Variants in B3GLCT observed in about 807,000 individuals in gnomAD.
The protein encoded by B3GLCT is beta 3-glucosyltransferase, also known as beta-1,3-glucosyltransferase.
In B3GLCT, 65 loss-of-function variants were observed where a neutral mutation model predicts 63.4. The observed-to-expected ratio is 1.03, with a 90% CI of 0.84 to 1.26. The LOEUF is 1.26. Among genes scored for constraint, B3GLCT ranks in the 50% most tolerant of loss-of-function variants. The probability of loss-of-function intolerance (pLI) is 0.00; values close to 1 mark genes in which losing one functional copy is unlikely to be tolerated. For synonymous variants in B3GLCT, 233 were observed against 219.2 expected (o/e 1.06, Z -0.55); for missense variants, 577 against 604.8 (o/e 0.95, Z 0.48).
chr13:31,209,737 A>G (rs963252318), intron 1 of B3GLCT, among the ~76,000 whole-genome samples: 3 of 151,720 alleles, frequency 2.0e-5, no homozygotes, highest in Non-Finnish European at 4.4e-5. Flanking sequence ...GCTTTTTTAT[A>G]TATTCTGAGC....
intron 8 of B3GLCT, among the ~76,000 whole-genome samples, chr13:31,272,755 A>T (rs1205793399): frequency 6.6e-6 from 1 of 152,122 alleles, no homozygotes; most frequent in African/African-American, 2.4e-5. Context: ...TTGTTGTTCA[A>T]TATTTTTGTC....
chr13:31,255,049 A>AG (rs1196096050), intron 6 of B3GLCT, among the ~76,000 whole-genome samples: 4 of 151,662 alleles, frequency 2.6e-5, no homozygotes, highest in African/African-American at 7.3e-5. Flanking sequence ...AAAAAAAAAA[A>AG]AAAAAGAAAA....
chr13:31,266,946 T>G (rs1466301706), intron 7 of B3GLCT, among the ~76,000 whole-genome samples: 1 of 152,088 alleles, frequency 6.6e-6, no homozygotes, highest in Admixed American at 6.5e-5. Flanking sequence ...AATTTTTGTA[T>G]TTTTAGTAGA....
intron 12 of B3GLCT, among the ~76,000 whole-genome samples, chr13:31,313,831 G>A (rs766333816): frequency 5.3e-5 from 8 of 152,086 alleles, no homozygotes; most frequent in African/African-American, 1.2e-4. Flanking sequence ...CCCTACCTCC[G>A]CATCACAGGC....
At chr13:31,219,449 G>A (rs1869714860) in intron 2 of B3GLCT, among the ~76,000 whole-genome samples, 2 of 151,926 alleles carry the variant, frequency 1.3e-5, no homozygotes, top group African/African-American at 4.8e-5. Flanking sequence ...CAATAATGAG[G>A]ATCATTTGTG....
chr13:31,222,603 T>TCC (rs1869871138), intron 2 of B3GLCT, among the ~76,000 whole-genome samples: 1 of 152,218 alleles, frequency 6.6e-6, no homozygotes, highest in South Asian at 2.1e-4. Context: ...GCTTTATGGT[T>TCC]TACAGGGCTT....
At chr13:31,247,774 C>T in intron 5 of B3GLCT, 81 bp from the exon 6 acceptor site, 1 of 730,790 alleles carries the variant, frequency 1.4e-6, no homozygotes, top group Middle Eastern at 3.8e-4. Flanking sequence ...ACCCTTCATT[C>T]ACTTCCTACT....
At position 31,218,231 on chromosome 13, in the gene B3GLCT, C is replaced by T. The variant is rs1432600266; in HGVS notation, c.120+3131C>T. ...TGAGATGGAGTCTCACTCTTATCAC[C>T]CAGGCTAGCATGCAGTGGCGTGATC... On this transcript the variant is annotated intron_variant, in intron 2 of 14. Coordinates refer to ENST00000343307, the MANE Select transcript of B3GLCT (RefSeq NM_194318.4). Among the ~76,000 whole-genome samples, 3 of 149,588 alleles carry T rather than the reference C, an allele frequency of 2.0e-5. No individual in the cohort carries two copies. In the East Asian group the frequency reaches 5.8e-4, roughly 29 times the overall value.
intron 13 of B3GLCT, among the ~76,000 whole-genome samples, chr13:31,322,546 TA>T (rs1189953034): frequency 6.6e-6 from 1 of 152,220 alleles, no homozygotes; most frequent in South Asian, 2.1e-4. Context: ...GGAGCAACCT[TA>T]TTTGGAAAGA....
chr13:31,277,703 AAAT>A (rs2137864112), intron 10 of B3GLCT, among the ~76,000 whole-genome samples: 1 of 152,220 alleles, frequency 6.6e-6, no homozygotes, highest in East Asian at 1.9e-4. Flanking sequence ...TTTCCAAATA[AAAT>A]AATATTATAA....
intron 1 of B3GLCT, among the ~76,000 whole-genome samples, chr13:31,203,292 G>A (rs574359797): frequency 5.9e-5 from 9 of 152,312 alleles, no homozygotes; most frequent in African/African-American, 2.2e-4. Flanking sequence ...TACTGGCACA[G>A]ATTTTAATCT....
Position 31,314,805 on chromosome 13 carries a change from C to T in B3GLCT, c.1065-2761C>T, listed in dbSNP as rs550163285. Among the ~76,000 whole-genome samples the T allele has an allele frequency of 3.3e-5, 5 of 152,268 alleles. No homozygotes were observed. In the South Asian group the frequency reaches 8.3e-4, roughly 25 times the overall value. Reference sequence around the variant, plus strand: ...GAATGATATGGTTTGGCTGTGTCCGCACCTAAATCTCAACTCGAATTGTAT... The same window carrying T: ...GAATGATATGGTTTGGCTGTGTCCGTACCTAAATCTCAACTCGAATTGTAT... On this transcript the variant is annotated intron_variant, in intron 12 of 14. Transcript: ENST00000343307.
intron 10 of B3GLCT, among the ~76,000 whole-genome samples, chr13:31,277,343 G>C (rs1325057180): frequency 6.6e-6 from 1 of 151,532 alleles, no homozygotes; most frequent in African/African-American, 2.4e-5. Flanking sequence ...TTTTTATTCA[G>C]GTTTTTGATG....
chr13:31,235,454 G>T (rs1018058826), intron 4 of B3GLCT, among the ~76,000 whole-genome samples: 6 of 152,180 alleles, frequency 3.9e-5, no homozygotes, highest in East Asian at 1.9e-4. Flanking sequence ...GGAGCAGACT[G>T]AAGGGCCATA....
chr13:31,201,805 A>G (rs1868683110), intron 1 of B3GLCT, among the ~76,000 whole-genome samples: 1 of 152,248 alleles, frequency 6.6e-6, no homozygotes, highest in African/African-American at 2.4e-5. Flanking sequence ...ACTGAAGGAC[A>G]TTCAGAATGC....
intron 1 of B3GLCT, among the ~76,000 whole-genome samples, chr13:31,208,903 C>T (rs1047533879): frequency 2.6e-5 from 4 of 152,084 alleles, no homozygotes; most frequent in African/African-American, 4.8e-5. Flanking sequence ...CCCAGCCACC[C>T]GTCCCCACAG....
intron 2 of B3GLCT, among the ~76,000 whole-genome samples, chr13:31,217,027 C>T (rs1869599265): frequency 6.6e-6 from 1 of 152,182 alleles, no homozygotes; most frequent in Non-Finnish European, 1.5e-5. Flanking sequence ...AAATCTCTTT[C>T]TGCAGTGGCT....
intron 2 of B3GLCT, among the ~76,000 whole-genome samples, chr13:31,215,577 C>A (rs1371967783): frequency 3.3e-5 from 5 of 152,110 alleles, no homozygotes; most frequent in Admixed American, 6.6e-5. Flanking sequence ...CCATGCCCGG[C>A]TAATTTTTGC....
intron 11 of B3GLCT, 111 bp from the exon 12 acceptor site, chr13:31,286,609 G>T: frequency 2.7e-6 from 2 of 737,864 alleles, no homozygotes; most frequent in South Asian, 1.9e-5. Context: ...CTTTTAAGCT[G>T]CATTTTGGCA....
Sources: allele counts gnomAD v4.1 joint callset (sites outside exome capture counted in the v4.1 genomes callset), GRCh38; gene constraint gnomAD v4.1.1; transcripts MANE v1.5; gene names NCBI Gene and HGNC (gene_info 2026-07-23, HGNC 2026-07-21).